ADK: variants seen among roughly 807,000 people sequenced by gnomAD.
ADK encodes N6,N6-dimethyladenosine kinase.
A neutral mutation model predicts 44.7 loss-of-function variants in ADK; 24 were observed. That is an observed-to-expected ratio of 0.54 (90% CI 0.39 to 0.76). The LOEUF is 0.76. Among genes scored for constraint, ADK ranks in the 30% least tolerant of loss-of-function variants. ADK has a pLI of 0.00. For synonymous variants in ADK, 128 were observed against 142.6 expected (o/e 0.90, Z 0.73); for missense variants, 321 against 425.1 (o/e 0.76, Z 2.15).
intron 6 of ADK, among the ~76,000 whole-genome samples, chr10:74,411,911 A>C (rs983130254): frequency 6.6e-6 from 1 of 152,248 alleles, no homozygotes. Context: ...TAGCGTGTTC[A>C]CCAGGAGTAG....
chr10:74,328,674 CTCTG>C (rs770669580), intron 4 of ADK, among the ~76,000 whole-genome samples: 82 of 152,272 alleles, frequency 5.4e-4, no homozygotes, highest in Non-Finnish European at 1.0e-3. Flanking sequence ...CTCCTTCACT[CTCTG>C]TCTTTTTCTC....
intron 8 of ADK, among the ~76,000 whole-genome samples, chr10:74,598,331 T>C (rs1361259681): frequency 1.3e-5 from 1 of 77,498 alleles, no homozygotes; most frequent in Non-Finnish European, 4.6e-5. Context: ...TGCCATTTTA[T>C]GAGGTTTAAT....
intron 10 of ADK, among the ~76,000 whole-genome samples, chr10:74,696,203 T>C (rs1856195183): frequency 6.6e-6 from 1 of 151,754 alleles, no homozygotes; most frequent in Admixed American, 6.6e-5. Context: ...GTATTTTTAG[T>C]AGAGATGGGG....
chr10:74,488,541 G>GA (rs1378020636), intron 6 of ADK, among the ~76,000 whole-genome samples: 1 of 150,438 alleles, frequency 6.6e-6, no homozygotes, highest in Admixed American at 6.7e-5. Context: ...TTTAAAGTAT[G>GA]ATAATAACAA....
chr10:74,703,054 C>CA (rs1380867197), intron 10 of ADK, among the ~76,000 whole-genome samples: 1 of 152,138 alleles, frequency 6.6e-6, no homozygotes, highest in African/African-American at 2.4e-5. Context: ...CTAAATGTGA[C>CA]ACTTTGAGAA....
chr10:74,502,850 A>G (rs1847928605), intron 6 of ADK, among the ~76,000 whole-genome samples: 1 of 152,184 alleles, frequency 6.6e-6, no homozygotes, highest in Non-Finnish European at 1.5e-5. Flanking sequence ...GCCTCAGAAA[A>G]TAGTCAGATG....
chr10:74,367,598 G>T (rs1219612307), intron 4 of ADK, among the ~76,000 whole-genome samples: 1 of 152,132 alleles, frequency 6.6e-6, no homozygotes, highest in East Asian at 1.9e-4. Flanking sequence ...CCAGTACTCG[G>T]TGCTTTTGCA....
intron 3 of ADK, among the ~76,000 whole-genome samples, chr10:74,245,762 TG>T (rs1433125604): frequency 6.6e-6 from 1 of 152,062 alleles, no homozygotes; most frequent in Non-Finnish European, 1.5e-5. Flanking sequence ...GGCTAATTTT[TG>T]TAATTTTAGT....
At chr10:74,210,473 A>T (rs914819971) in intron 2 of ADK, among the ~76,000 whole-genome samples, 4 of 152,072 alleles carry the variant, frequency 2.6e-5, no homozygotes, top group African/African-American at 9.7e-5. Context: ...TGCATGAAAG[A>T]TGTTACTTAA....
At chr10:74,310,550 G>C (rs1018890931) in intron 3 of ADK, among the ~76,000 whole-genome samples, 3 of 151,980 alleles carry the variant, frequency 2.0e-5, no homozygotes, top group African/African-American at 7.3e-5. Context: ...TCCTTACTTT[G>C]GTCTCGTCTC....
At chr10:74,414,314 C>G (rs1415485288) in intron 6 of ADK, among the ~76,000 whole-genome samples, 1 of 152,114 alleles carries the variant, frequency 6.6e-6, no homozygotes, top group Non-Finnish European at 1.5e-5. Context: ...TGTTAGAGTT[C>G]AGTTTCTAAT....
In ADK at chr10:74,354,007, G is replaced by T. The variant is rs188861479; in HGVS notation, c.273+39262G>T. 4.8e-3 allele frequency among the ~76,000 whole-genome samples: 730 copies of T among 152,298 alleles called. 9 individuals are homozygous for T. Among genetic ancestry groups the T allele is most frequent in the African/African-American group, 0.016 (681 of 41,570 alleles). On this transcript the variant is annotated intron_variant, in intron 4 of 10. Coordinates refer to ENST00000539909, the MANE Select transcript of ADK (RefSeq NM_006721.4). ...CTAGATCACTCTGAATTAAGAAAAA[G>T]GGTTTCCTTTGTCCAGAATAAGCAT...
At chr10:74,254,803 A>G (rs1340546920) in intron 3 of ADK, among the ~76,000 whole-genome samples, 3 of 152,202 alleles carry the variant, frequency 2.0e-5, no homozygotes, top group Non-Finnish European at 4.4e-5. Flanking sequence ...CACAGACACA[A>G]TGGACAAATA....
At chr10:74,211,884 A>G (rs924674197) in intron 2 of ADK, among the ~76,000 whole-genome samples, 2 of 152,088 alleles carry the variant, frequency 1.3e-5, no homozygotes, top group South Asian at 2.1e-4. Flanking sequence ...AAAAAGTTGT[A>G]TCTATTGTGT....
At chr10:74,307,993 C>G (rs1400065286) in intron 3 of ADK, among the ~76,000 whole-genome samples, 1 of 152,136 alleles carries the variant, frequency 6.6e-6, no homozygotes, top group African/African-American at 2.4e-5. Context: ...AAATGTCAAC[C>G]AGTTACTATT....
chr10:74,541,794 A>AAC (rs1298422672), intron 7 of ADK, among the ~76,000 whole-genome samples: 2 of 63,738 alleles, frequency 3.1e-5, no homozygotes, highest in Admixed American at 2.1e-4. Flanking sequence ...ACCCCCACAC[A>AAC]CCCCCCCCCC....
intron 6 of ADK, among the ~76,000 whole-genome samples, chr10:74,433,685 G>GAA (rs1845079507): frequency 6.6e-6 from 1 of 151,446 alleles, no homozygotes; most frequent in African/African-American, 2.5e-5. Context: ...AATCATTTAA[G>GAA]TCAGTCATTC....
chr10:74,532,610 A>G (rs935351017), intron 7 of ADK, among the ~76,000 whole-genome samples: 3 of 152,126 alleles, frequency 2.0e-5, no homozygotes, highest in African/African-American at 4.8e-5. Flanking sequence ...TCAAAAAGCT[A>G]TTAGAACTGG....
At chr10:74,647,395 G>C (rs567361996) in intron 9 of ADK, among the ~76,000 whole-genome samples, 4 of 152,232 alleles carry the variant, frequency 2.6e-5, no homozygotes, top group African/African-American at 9.6e-5. Flanking sequence ...TTTACTAGAG[G>C]TAATAGTTTG....
Sources: allele counts gnomAD v4.1 joint callset (sites outside exome capture counted in the v4.1 genomes callset), GRCh38; gene constraint gnomAD v4.1.1; transcripts MANE v1.5; gene names NCBI Gene and HGNC (gene_info 2026-07-23, HGNC 2026-07-21).